DMD: variants seen among roughly 807,000 people sequenced by gnomAD.
The protein encoded by DMD is mutant dystrophin.
DMD carries 63 observed loss-of-function variants against 330.1 expected under a neutral mutation model. The ratio of observed to expected loss-of-function variants is 0.19; its 90% CI spans 0.16 to 0.24. The LOEUF (loss-of-function observed/expected upper bound fraction) is 0.24, where lower values mean the gene tolerates loss of function less well. Ranked by LOEUF, DMD falls within the 10% of genes least tolerant of loss-of-function variation. DMD has a pLI of 1.00. For missense variants in DMD, 3,344 were observed against 2,684.1 expected, an observed-to-expected ratio of 1.25 and a Z score of -5.43; for synonymous variants, 1,223 against 959.8, an observed-to-expected ratio of 1.27 and a Z score of -5.07.
chrX:32,983,528 TACACACACACAC>T (rs561986393), intron 2 of DMD, among the ~76,000 whole-genome samples: 853 of 73,550 alleles, frequency 0.012, 5 homozygotes, highest in Middle Eastern at 0.03. Context: ...CAGAACTAAA[TACACACACACAC>T]ACACACACAC....
At chrX:32,999,859 G>A (rs2093233550) in intron 2 of DMD, among the ~76,000 whole-genome samples, 1 of 112,358 alleles carries the variant, frequency 8.9e-6, no homozygotes, top group South Asian at 3.6e-4. Context: ...TCTGTTTCTG[G>A]TCTGTGCATT....
At chrX:32,002,613 T>C (rs1376496333) in intron 44 of DMD, among the ~76,000 whole-genome samples, 1 of 111,468 alleles carries the variant, frequency 9.0e-6, no homozygotes, top group Non-Finnish European at 1.9e-5. Context: ...GGTCTTAGTT[T>C]TTTTTTAGAA....
At chrX:31,814,352 G>T (rs779146904) in intron 50 of DMD, among the ~76,000 whole-genome samples, 1 of 106,428 alleles carries the variant, frequency 9.4e-6, no homozygotes, top group Non-Finnish European at 1.9e-5. Flanking sequence ...GCGTGGTGGC[G>T]GGCGCCTGTA....
chrX:32,504,948 C>A (rs2044470303), intron 18 of DMD, among the ~76,000 whole-genome samples: 2 of 111,891 alleles, frequency 1.8e-5, no homozygotes, highest in Non-Finnish European at 3.8e-5. Context: ...TACATTTCCA[C>A]TGAATTTAGA....
intron 1 of DMD, among the ~76,000 whole-genome samples, chrX:33,281,621 A>T (rs905292774): frequency 9.0e-6 from 1 of 111,118 alleles, no homozygotes; most frequent in African/African-American, 3.3e-5. Flanking sequence ...TTTGGTTCTC[A>T]GTATGCAGGC....
intron 16 of DMD, among the ~76,000 whole-genome samples, chrX:32,557,651 C>T (rs113456989): frequency 1.8e-5 from 2 of 111,844 alleles, no homozygotes; most frequent in African/African-American, 6.5e-5. Flanking sequence ...TAAAAACCAA[C>T]TCCACAGGCA....
intron 49 of DMD, among the ~76,000 whole-genome samples, chrX:31,833,888 A>G (rs2093132195): frequency 1.8e-5 from 2 of 111,494 alleles, no homozygotes; most frequent in Non-Finnish European, 3.8e-5. Context: ...TTGCATATAC[A>G]TCGTGAGAGA....
At chrX:31,684,041 C>T (rs2082538171) in intron 52 of DMD, among the ~76,000 whole-genome samples, 1 of 111,541 alleles carries the variant, frequency 9.0e-6, no homozygotes, top group African/African-American at 3.3e-5. Flanking sequence ...TTGTTAGAGC[C>T]GACACTTGGA....
At chrX:32,650,851 T>C (rs760298373) in intron 9 of DMD, among the ~76,000 whole-genome samples, 1 of 112,173 alleles carries the variant, frequency 8.9e-6, no homozygotes, top group Non-Finnish European at 1.9e-5. Context: ...CAGCTGCCAT[T>C]ATTTATTGAG....
intron 62 of DMD, among the ~76,000 whole-genome samples, chrX:31,309,378 T>C (rs760310046): frequency 2.7e-4 from 30 of 112,123 alleles, no homozygotes; most frequent in Non-Finnish European, 4.7e-4. Context: ...ATTTTAAAGG[T>C]AGACATGTAT....
intron 60 of DMD, among the ~76,000 whole-genome samples, chrX:31,435,265 A>C (rs1234293222): frequency 8.9e-6 from 1 of 112,161 alleles, no homozygotes; most frequent in Admixed American, 9.5e-5. Flanking sequence ...TAATCTCAGT[A>C]AGCGTAATGC....
chrX:32,883,823 C>CCAAAAAAAAAAAAAAAAAAA (rs1169678184), intron 2 of DMD, among the ~76,000 whole-genome samples: 6 of 30,341 alleles, frequency 2.0e-4, no homozygotes, highest in African/African-American at 8.6e-4. Flanking sequence ...GACTCTGTTT[C>CCAAAAAAAAAAAAAAAAAAA]AAAAAAAAAA....
intron 1 of DMD, among the ~76,000 whole-genome samples, chrX:33,029,641 G>A (rs1204481617): frequency 8.9e-6 from 1 of 112,291 alleles, no homozygotes; most frequent in Non-Finnish European, 1.9e-5. Flanking sequence ...TGGAGTTATG[G>A]TGAGAACCTA....
chrX:31,242,262 C>CAA (rs72176984), intron 63 of DMD, among the ~76,000 whole-genome samples: 1,395 of 24,601 alleles, frequency 0.057, 243 homozygotes, highest in Non-Finnish European at 0.061. Flanking sequence ...TCTCAAAAAG[C>CAA]AAAAAAAAAA....
chrX:32,943,545 A>G (rs2090574647), intron 2 of DMD, among the ~76,000 whole-genome samples: 1 of 111,280 alleles, frequency 9.0e-6, no homozygotes, highest in Admixed American at 9.6e-5. Context: ...TTAGAGATAT[A>G]TCATTTTTTA....
At chrX:32,454,967 A>C (rs919626380) in intron 25 of DMD, 135 bp from the exon 26 acceptor site, 2 of 689,216 alleles carry the variant, frequency 2.9e-6, no homozygotes, top group Non-Finnish European at 2.1e-6. Flanking sequence ...TATGCATAAG[A>C]AAATAACTCA....
intron 11 of DMD, among the ~76,000 whole-genome samples, chrX:32,619,692 G>T (rs948360657): frequency 9.9e-5 from 11 of 111,593 alleles, no homozygotes; most frequent in African/African-American, 2.0e-4. Context: ...CATACTATTG[G>T]CAGGAAAGAT....
At chrX:32,393,193 T>C (rs2098016445) in intron 30 of DMD, among the ~76,000 whole-genome samples, 1 of 111,728 alleles carries the variant, frequency 9.0e-6, no homozygotes, top group African/African-American at 3.3e-5. Flanking sequence ...TGTTTTGCTT[T>C]AGTTACTTCA....
chrX:32,398,240 G>A (rs973809631), intron 30 of DMD, among the ~76,000 whole-genome samples: 2 of 101,150 alleles, frequency 2.0e-5, no homozygotes, highest in African/African-American at 7.7e-5. Flanking sequence ...AATTCACACA[G>A]CTTTGTACTA....
Sources: allele counts gnomAD v4.1 joint callset (sites outside exome capture counted in the v4.1 genomes callset), GRCh38; gene constraint gnomAD v4.1.1; transcripts MANE v1.5; gene names NCBI Gene and HGNC (gene_info 2026-07-23, HGNC 2026-07-21).